MAGI1: variants seen among roughly 807,000 people sequenced by gnomAD.
MAGI1 encodes membrane-associated guanylate kinase, WW and PDZ domain-containing protein 1.
In MAGI1, 58 loss-of-function variants were observed where a neutral mutation model predicts 139.9. The ratio of observed to expected loss-of-function variants is 0.41; its 90% CI spans 0.34 to 0.52. The LOEUF is 0.52. Among genes scored for constraint, MAGI1 ranks in the 20% least tolerant of loss-of-function variants. The pLI, the probability that MAGI1 is intolerant of heterozygous loss-of-function variation, is 0.12. For synonymous variants in MAGI1, 812 were observed against 737.9 expected, an observed-to-expected ratio of 1.10 and a Z score of -1.63; for missense variants, 1,874 against 1,901.6, an observed-to-expected ratio of 0.99 and a Z score of 0.27.
chr3:65,768,279 G>A (rs2037656121), intron 1 of MAGI1, among the ~76,000 whole-genome samples: 1 of 152,100 alleles, frequency 6.6e-6, no homozygotes. Context: ...AATTAGCCAG[G>A]TATGGTGGTG....
At chr3:65,996,020 C>T (rs1024751075) in intron 1 of MAGI1, among the ~76,000 whole-genome samples, 3 of 151,998 alleles carry the variant, frequency 2.0e-5, no homozygotes, top group African/African-American at 2.4e-5. Context: ...AAAACAAAAA[C>T]GGGATCTTTT....
At chr3:65,715,157 T>A (rs1313730101) in intron 1 of MAGI1, among the ~76,000 whole-genome samples, 3 of 152,188 alleles carry the variant, frequency 2.0e-5, no homozygotes, top group Non-Finnish European at 4.4e-5. Context: ...ACCTCAGACA[T>A]TTTAATCAGC....
At chr3:65,741,341 A>AT (rs749982921) in intron 1 of MAGI1, among the ~76,000 whole-genome samples, 2 of 151,988 alleles carry the variant, frequency 1.3e-5, no homozygotes, top group East Asian at 1.9e-4. Context: ...CGCTTGGCTA[A>AT]TTTTTTGTAT....
At chr3:65,844,154 A>T (rs2058903843) in intron 1 of MAGI1, 2 of 519,870 alleles carry the variant, frequency 3.8e-6, no homozygotes, top group Admixed American at 3.9e-5. Flanking sequence ...AAAGAGTGCT[A>T]AATTTTTGCT....
intron 1 of MAGI1, among the ~76,000 whole-genome samples, chr3:65,913,062 A>G (rs1254141829): frequency 1.3e-5 from 2 of 152,158 alleles, no homozygotes; most frequent in Non-Finnish European, 2.9e-5. Context: ...ACTTGAGGTC[A>G]GGAGTTCGAG....
At chr3:65,528,713 A>G (rs2078501314) in intron 2 of MAGI1, among the ~76,000 whole-genome samples, 1 of 152,192 alleles carries the variant, frequency 6.6e-6, no homozygotes. Flanking sequence ...TTCTCAAGGT[A>G]AAAACTGGCC....
intron 1 of MAGI1, among the ~76,000 whole-genome samples, chr3:65,662,900 G>A (rs1033967316): frequency 6.6e-6 from 1 of 152,128 alleles, no homozygotes; most frequent in Non-Finnish European, 1.5e-5. Context: ...TGGTAGACAG[G>A]TTTTGTTCAT....
chr3:65,776,641 C>T (rs2038458823), intron 1 of MAGI1, among the ~76,000 whole-genome samples: 1 of 152,152 alleles, frequency 6.6e-6, no homozygotes, highest in South Asian at 2.1e-4. Flanking sequence ...TTAATGCCAG[C>T]TTTCAGGCAT....
intron 1 of MAGI1, among the ~76,000 whole-genome samples, chr3:66,025,698 A>G (rs1374181333): frequency 6.6e-6 from 1 of 152,020 alleles, no homozygotes; most frequent in Non-Finnish European, 1.5e-5. Flanking sequence ...CTGTTTGTGT[A>G]TGTGTGTGTG....
chr3:66,028,194 C>A (rs1456581773), intron 1 of MAGI1, among the ~76,000 whole-genome samples: 1 of 151,896 alleles, frequency 6.6e-6, no homozygotes, highest in Non-Finnish European at 1.5e-5. Context: ...CCCAGCCACT[C>A]AGGAGGCTGA....
chr3:65,648,272 G>A (rs1386519901), intron 1 of MAGI1, among the ~76,000 whole-genome samples: 1 of 151,074 alleles, frequency 6.6e-6, no homozygotes, highest in East Asian at 1.9e-4. Flanking sequence ...AGCTTCCAGA[G>A]AAGCTAGTAC....
rs201650657 is a variant in MAGI1, at chr3:65,375,856, G to A, written c.3085C>T (p.Arg1029Trp). ...GAACATCCATTTACTGCCAAGATCC[G>A]GTCTCCTACTTTCAGCTTGCCACAG... is the stretch of plus-strand genomic sequence containing the variant. ...DRCGKLKVGDRILAVNGCSIT... is the reference protein window; with the variant it reads ...DRCGKLKVGDWILAVNGCSIT... The change falls in exon 18 of 23, where the codon CGG (arginine) becomes TGG (tryptophan). Residue 1029 changes from arginine to tryptophan, a missense_variant. Arg to Trp is a moderately radical substitution (Grantham distance 101, BLOSUM62 -3). Around this residue, in one of 5 missense-constraint regions of MAGI1, gnomAD observed 653 missense variants for 644.5 expected, o/e 1.01. Coordinates refer to ENST00000402939, the MANE Select transcript of MAGI1 (RefSeq NM_001033057.2). The A allele has an allele frequency of 5.0e-6, 8 of 1,614,024 alleles. No homozygotes were observed. The highest frequency in any genetic ancestry group is 1.1e-5 in the South Asian group (1 of 91,064).
chr3:65,929,365 C>G (rs1052983260), intron 1 of MAGI1, among the ~76,000 whole-genome samples: 1 of 150,690 alleles, frequency 6.6e-6, no homozygotes, highest in African/African-American at 2.4e-5. Context: ...TTTTTGAGAC[C>G]GAGTCTCGCT....
chr3:65,951,013 AAGG>A (rs2063822285), intron 1 of MAGI1, among the ~76,000 whole-genome samples: 4 of 108,422 alleles, frequency 3.7e-5, no homozygotes, highest in East Asian at 5.0e-4. Flanking sequence ...GGAAGGAAGG[AAGG>A]AAGGAAGGAA....
chr3:65,915,112 AG>A (rs2061839715), intron 1 of MAGI1, among the ~76,000 whole-genome samples: 1 of 152,220 alleles, frequency 6.6e-6, no homozygotes, highest in Non-Finnish European at 1.5e-5. Context: ...GATGTTGATC[AG>A]TCCCTTGCAA....
At chr3:65,443,494 C>T (rs181344738) in intron 7 of MAGI1, among the ~76,000 whole-genome samples, 1 of 152,276 alleles carries the variant, frequency 6.6e-6, no homozygotes, top group African/African-American at 2.4e-5. Flanking sequence ...TGTGGTGGTA[C>T]AATGGCACTG....
At chr3:65,541,552 C>T (rs946220916) in intron 2 of MAGI1, among the ~76,000 whole-genome samples, 1 of 152,192 alleles carries the variant, frequency 6.6e-6, no homozygotes, top group Non-Finnish European at 1.5e-5. Flanking sequence ...TCCAGCAGCA[C>T]ATCAAAAAGC....
At chr3:65,517,457 C>T (rs149583719) in intron 2 of MAGI1, among the ~76,000 whole-genome samples, 2 of 152,172 alleles carry the variant, frequency 1.3e-5, no homozygotes, top group Admixed American at 1.3e-4. Flanking sequence ...CCAAATCTAC[C>T]CTTCCAAACA....
chr3:65,787,128 C>T (rs1315410837), intron 1 of MAGI1, among the ~76,000 whole-genome samples: 2 of 152,086 alleles, frequency 1.3e-5, no homozygotes, highest in Admixed American at 1.3e-4. Context: ...TATTTCCTCC[C>T]CAGAAGCCAC....
Sources: gnomAD v4.1 joint callset for allele counts (sites outside exome capture counted in the v4.1 genomes callset) on GRCh38, gnomAD v4.1.1 for gene constraint, gnomAD v4.1.1 regional missense constraint, MANE v1.5 for transcripts, NCBI Gene and HGNC (gene_info 2026-07-23, HGNC 2026-07-21) for gene names.